ANKS1B: variants seen among roughly 807,000 people sequenced by gnomAD.
ANKS1B encodes the protein ankyrin repeat and sterile alpha motif domain containing 1B, also known as ankyrin repeat and sterile alpha motif domain-containing protein 1B.
ANKS1B carries 36 observed loss-of-function variants against 148.3 expected under a neutral mutation model. The observed-to-expected ratio is 0.24, with a 90% CI of 0.19 to 0.32. ANKS1B has a LOEUF of 0.32. Among genes scored for constraint, ANKS1B ranks in the 10% least tolerant of loss-of-function variants. The pLI is 1.00. For missense variants in ANKS1B, 1,157 were observed against 1,542.6 expected, an observed-to-expected ratio of 0.75 and a Z score of 4.19; for synonymous variants, 542 against 560.8, an observed-to-expected ratio of 0.97 and a Z score of 0.47.
chr12:99,321,886 G>C (rs2085343462), intron 12 of ANKS1B, among the ~76,000 whole-genome samples: 2 of 152,282 alleles, frequency 1.3e-5, no homozygotes, highest in South Asian at 4.1e-4. Flanking sequence ...TGGAGAAATA[G>C]GAATGCTTTT....
At chr12:99,937,031 T>A (rs2094793975) in intron 1 of ANKS1B, among the ~76,000 whole-genome samples, 1 of 152,154 alleles carries the variant, frequency 6.6e-6, no homozygotes. Context: ...GTATGGGACA[T>A]CCCTTAACCT....
chr12:99,881,038 G>A (rs1280013103), intron 1 of ANKS1B, among the ~76,000 whole-genome samples: 1 of 152,170 alleles, frequency 6.6e-6, no homozygotes, highest in Non-Finnish European at 1.5e-5. Flanking sequence ...AATTGCAGAT[G>A]GATTGGAGAA....
intron 17 of ANKS1B, among the ~76,000 whole-genome samples, chr12:98,956,578 G>C (rs1321330256): frequency 6.6e-6 from 1 of 150,940 alleles, no homozygotes; most frequent in African/African-American, 2.4e-5. Context: ...CTATCCATTG[G>C]CCAGATTATA....
intron 10 of ANKS1B, among the ~76,000 whole-genome samples, chr12:99,486,952 C>T (rs929619621): frequency 4.6e-5 from 7 of 152,142 alleles, no homozygotes; most frequent in South Asian, 2.1e-4. Context: ...GCTGAGTTCC[C>T]ATGGGAGAAG....
chr12:99,953,481 C>G (rs969550829), intron 1 of ANKS1B, among the ~76,000 whole-genome samples: 4 of 151,218 alleles, frequency 2.6e-5, no homozygotes, highest in Non-Finnish European at 4.4e-5. Flanking sequence ...CTTTTTTCCC[C>G]AATAATCTGG....
intron 12 of ANKS1B, among the ~76,000 whole-genome samples, chr12:99,346,556 C>T (rs889661035): frequency 1.3e-5 from 2 of 151,822 alleles, no homozygotes; most frequent in African/African-American, 4.8e-5. Flanking sequence ...AAGGCATCAG[C>T]GAGAATGTCA....
chr12:99,772,847 C>T (rs758000682), intron 8 of ANKS1B, 75 bp downstream of exon 8: 127 of 1,404,836 alleles, frequency 9.0e-5, no homozygotes, highest in Non-Finnish European at 1.2e-4. Context: ...TGCACCACAT[C>T]CCATACCTCT....
At chr12:99,812,876 A>C (rs935824551) in intron 2 of ANKS1B, among the ~76,000 whole-genome samples, 6 of 151,714 alleles carry the variant, frequency 4.0e-5, no homozygotes, top group African/African-American at 1.4e-4. Context: ...GGAATAAGAG[A>C]TTTAAGGGGT....
chr12:99,220,534 C>T (rs1164218640), intron 14 of ANKS1B, among the ~76,000 whole-genome samples: 1 of 149,732 alleles, frequency 6.7e-6, no homozygotes, highest in African/African-American at 2.5e-5. Context: ...GCAAACTCCG[C>T]CTCCCAGGTT....
chr12:99,241,669 A>G lies in ANKS1B; in HGVS notation c.2419+2673T>C, dbSNP rs1289221923. ...CCTCAGTAAAATACTAGCAAACTGA[A>G]TCCAGCAGCACATCAAGAAGCTTAT... On this transcript the variant is annotated intron_variant, in intron 14 of 26. Transcript: ENST00000683438. Among the ~76,000 whole-genome samples the G allele has an allele frequency of 3.3e-5, 5 of 152,232 alleles. No individual in the cohort carries two copies. The East Asian group carries it at 9.6e-4, about 29-fold the overall frequency.
At chr12:99,890,071 T>G (rs2093016931) in intron 1 of ANKS1B, among the ~76,000 whole-genome samples, 1 of 152,154 alleles carries the variant, frequency 6.6e-6, no homozygotes, top group Non-Finnish European at 1.5e-5. Flanking sequence ...CCCAGTCCTA[T>G]GAAAAGCATG....
intron 9 of ANKS1B, among the ~76,000 whole-genome samples, chr12:99,585,318 T>C (rs1368112129): frequency 6.6e-6 from 1 of 152,148 alleles, no homozygotes; most frequent in Admixed American, 6.5e-5. Flanking sequence ...TTTGACGCCA[T>C]GTCTCACATC....
At chr12:98,906,023 G>A (rs1372371373) in intron 17 of ANKS1B, among the ~76,000 whole-genome samples, 2 of 152,164 alleles carry the variant, frequency 1.3e-5, no homozygotes, top group East Asian at 3.9e-4. Context: ...AAATGACTGA[G>A]TAGAAATAAT....
intron 15 of ANKS1B, among the ~76,000 whole-genome samples, chr12:99,128,835 C>A (rs1032806094): frequency 6.6e-6 from 1 of 152,134 alleles, no homozygotes; most frequent in African/African-American, 2.4e-5. Flanking sequence ...AAGTGGAATT[C>A]TGTGGCAAAA....
intron 17 of ANKS1B, among the ~76,000 whole-genome samples, chr12:98,983,918 G>T (rs979539745): frequency 2.0e-5 from 3 of 152,184 alleles, no homozygotes. Context: ...TAGATGAATA[G>T]TTTTATCTCC....
chr12:99,724,750 C>T (rs2058449982), intron 8 of ANKS1B, among the ~76,000 whole-genome samples: 2 of 152,020 alleles, frequency 1.3e-5, no homozygotes, highest in African/African-American at 4.8e-5. Context: ...TTAAGGGCAG[C>T]CAGAGAGAAA....
At chr12:99,671,457 T>A (rs2098537832) in intron 8 of ANKS1B, among the ~76,000 whole-genome samples, 1 of 152,162 alleles carries the variant, frequency 6.6e-6, no homozygotes, top group Non-Finnish European at 1.5e-5. Flanking sequence ...CATTATTAAA[T>A]AGCAATATTT....
intron 17 of ANKS1B, among the ~76,000 whole-genome samples, chr12:98,921,667 ATTG>A (rs141693707): frequency 0.013 from 1,959 of 152,270 alleles, 47 homozygotes; most frequent in African/African-American, 0.039. Context: ...TGGGTGGCTC[ATTG>A]TTGTGATCTG....
At chr12:99,235,836 C>T (rs1265250606) in intron 14 of ANKS1B, among the ~76,000 whole-genome samples, 1 of 152,114 alleles carries the variant, frequency 6.6e-6, no homozygotes, top group Non-Finnish European at 1.5e-5. Flanking sequence ...TCACTTGTTC[C>T]AACATAAGAG....
Sources: gnomAD v4.1 joint callset for allele counts (sites outside exome capture counted in the v4.1 genomes callset) on GRCh38, gnomAD v4.1.1 for gene constraint, MANE v1.5 for transcripts, NCBI Gene and HGNC (gene_info 2026-07-23, HGNC 2026-07-21) for gene names.